Variants in DNAH14 observed in about 807,000 individuals in gnomAD.
DNAH14 encodes the protein dynein axonemal heavy chain 14.
Under a neutral mutation model 520.9 loss-of-function variants are expected in DNAH14, and 478 were observed. That is an observed-to-expected ratio of 0.92 (90% CI 0.85 to 0.99). The LOEUF (loss-of-function observed/expected upper bound fraction) is 0.99. Ranked by LOEUF, DNAH14 falls within the 50% of genes least tolerant of loss-of-function variation. DNAH14 has a pLI of 0.00. For missense variants in DNAH14, 4,831 were observed against 5,234.5 expected (o/e 0.92, Z 2.38); for synonymous variants, 1,581 against 1,757.2 (o/e 0.90, Z 2.51).
At chr1:225,155,337 T>TA (rs1161504552) in intron 34 of DNAH14, among the ~76,000 whole-genome samples, 1 of 152,154 alleles carries the variant, frequency 6.6e-6, no homozygotes, top group Non-Finnish European at 1.5e-5. Context: ...TGCTGACAGA[T>TA]ACATACACAT....
At chr1:225,060,929 G>T (rs2069971512) in intron 17 of DNAH14, among the ~76,000 whole-genome samples, 1 of 73,996 alleles carries the variant, frequency 1.4e-5, no homozygotes, top group South Asian at 5.3e-4. Context: ...CCCCTACTGG[G>T]GCTACCTCCC....
intron 17 of DNAH14, among the ~76,000 whole-genome samples, chr1:225,078,863 T>C (rs796218448): frequency 2.6e-4 from 12 of 45,684 alleles, no homozygotes; most frequent in South Asian, 7.3e-4. Flanking sequence ...TCTCTCCCTC[T>C]CTCTCTCTCT....
intron 31 of DNAH14, among the ~76,000 whole-genome samples, chr1:225,151,376 T>C (rs1023172244): frequency 1.3e-5 from 2 of 152,122 alleles, no homozygotes; most frequent in Admixed American, 1.3e-4. Flanking sequence ...CTTCTACACC[T>C]CATCCTCTGC....
chr1:224,960,382 G>C (rs573558136), intron 4 of DNAH14, 80 bp downstream of exon 4: 366 of 1,345,286 alleles, frequency 2.7e-4, no homozygotes, highest in Non-Finnish European at 3.4e-4. Flanking sequence ...GCTTATATTG[G>C]ACACTGACTT....
intron 68 of DNAH14, among the ~76,000 whole-genome samples, chr1:225,339,629 A>C (rs1299133294): frequency 6.6e-6 from 1 of 152,192 alleles, no homozygotes; most frequent in Non-Finnish European, 1.5e-5. Flanking sequence ...AATAGACAAC[A>C]TGGTCCCCAT....
At position 225,358,472 on chromosome 1, in the gene DNAH14, T is replaced by A; in HGVS notation, c.11620-24T>A. On this transcript the variant is annotated intron_variant, in intron 73 of 85. Transcript: ENST00000682510. ...CTCTGGGTGGCTTTTAATTTTACCT[T>A]ATCTTCCATGTTTTCTTTTTTAGGT... is the stretch of plus-strand genomic sequence containing the variant. 3 of 1,487,992 alleles carry A rather than the reference T, an allele frequency of 2.0e-6. 1 individual carries two copies. The South Asian group carries it at 4.0e-5, about 20-fold the overall frequency. 92.2% of individuals were successfully genotyped at this position (1,487,992 alleles called of 1,614,324 possible).
At chr1:225,151,492 G>A (rs1272851403) in intron 31 of DNAH14, among the ~76,000 whole-genome samples, 1 of 152,138 alleles carries the variant, frequency 6.6e-6, no homozygotes, top group Non-Finnish European at 1.5e-5. Context: ...ATCACTGTAG[G>A]ATTTCTCCCA....
intron 43 of DNAH14, among the ~76,000 whole-genome samples, chr1:225,246,138 C>T (rs1407184403): frequency 4.0e-5 from 6 of 151,318 alleles, no homozygotes; most frequent in Non-Finnish European, 8.8e-5. Context: ...TAAGGATTCC[C>T]TATTTAATAA....
chr1:225,020,297 G>A (rs1572509631), intron 10 of DNAH14, among the ~76,000 whole-genome samples: 1 of 151,922 alleles, frequency 6.6e-6, no homozygotes, highest in East Asian at 1.9e-4. Flanking sequence ...AGGAGTTTGA[G>A]ACCAGCCTGG....
At chr1:225,251,768 C>A (rs2092562125) in intron 43 of DNAH14, among the ~76,000 whole-genome samples, 1 of 152,012 alleles carries the variant, frequency 6.6e-6, no homozygotes, top group East Asian at 1.9e-4. Context: ...AAAATTTGCA[C>A]ACACACTTTT....
intron 55 of DNAH14, among the ~76,000 whole-genome samples, chr1:225,295,138 G>A (rs901111388): frequency 6.6e-6 from 1 of 151,706 alleles, no homozygotes; most frequent in Non-Finnish European, 1.5e-5. Context: ...TATTTATTTG[G>A]ATCTTTTCCG....
chr1:225,103,961 C>G, intron 23 of DNAH14, among the ~76,000 whole-genome samples: 2 of 140,484 alleles, frequency 1.4e-5, no homozygotes, highest in Non-Finnish European at 3.1e-5. Flanking sequence ...GCATCCCTGT[C>G]TTGTGCCAGT....
intron 23 of DNAH14, among the ~76,000 whole-genome samples, chr1:225,111,213 G>T (rs573191488): frequency 6.6e-6 from 1 of 152,176 alleles, no homozygotes; most frequent in South Asian, 2.1e-4. Flanking sequence ...TGAAAGTGGA[G>T]TATTGAAGTC....
At chr1:224,946,594 C>T (rs1289467146) in intron 1 of DNAH14, among the ~76,000 whole-genome samples, 1 of 152,124 alleles carries the variant, frequency 6.6e-6, no homozygotes, top group Non-Finnish European at 1.5e-5. Flanking sequence ...TGGAGATGTT[C>T]CTATTCGGCC....
intron 55 of DNAH14, among the ~76,000 whole-genome samples, chr1:225,297,467 A>G (rs1044796327): frequency 5.3e-5 from 8 of 151,924 alleles, no homozygotes; most frequent in Admixed American, 2.0e-4. Flanking sequence ...ATTGATTTCT[A>G]TGCATCTGGA....
At chr1:225,152,604 C>G in intron 32 of DNAH14, 93 bp from the exon 33 acceptor site, 1 of 1,153,664 alleles carries the variant, frequency 8.7e-7, no homozygotes, top group Middle Eastern at 2.1e-4. Flanking sequence ...ACACAGAACA[C>G]CAATATAATT....
rs1464246468 is a variant in DNAH14 at position 225,185,842 on chromosome 1, T to C, written c.5670+417T>C. 3.3e-5 allele frequency among the ~76,000 whole-genome samples: 5 copies of C among 151,650 alleles called. No homozygotes were observed. The East Asian group carries it at 9.7e-4, about 29-fold the overall frequency. On this transcript the variant is annotated intron_variant, in intron 37 of 85. Transcript: ENST00000682510. Reference sequence around the variant, plus strand: ...ACTGTAATATTTCTTCCTTACTTTATCTGGAATGTATTTAATATTTATGCA... The same window carrying C: ...ACTGTAATATTTCTTCCTTACTTTACCTGGAATGTATTTAATATTTATGCA...
At chr1:224,955,521 T>C (rs958777518) in intron 3 of DNAH14, among the ~76,000 whole-genome samples, 1 of 152,168 alleles carries the variant, frequency 6.6e-6, no homozygotes, top group African/African-American at 2.4e-5. Flanking sequence ...ACTTCCATTT[T>C]TTAAGTCTTT....
intron 85 of DNAH14, 28 bp from the exon 86 acceptor site, chr1:225,399,026 G>T: frequency 7.0e-7 from 1 of 1,428,704 alleles, no homozygotes; most frequent in South Asian, 1.3e-5. Flanking sequence ...TATGCAATTT[G>T]ACTACTGGAT....
Sources: allele counts gnomAD v4.1 joint callset (sites outside exome capture counted in the v4.1 genomes callset), GRCh38; gene constraint gnomAD v4.1.1; transcripts MANE v1.5; gene names NCBI Gene and HGNC (gene_info 2026-07-23, HGNC 2026-07-21).